Variants in EML6 observed in about 807,000 individuals in gnomAD.
EML6 encodes echinoderm microtubule-associated protein-like 6.
In EML6, 154 loss-of-function variants were observed where a neutral mutation model predicts 240.1. The ratio of observed to expected loss-of-function variants is 0.64; its 90% CI spans 0.56 to 0.73. The LOEUF is 0.73. EML6 is among the 30% of genes least tolerant of loss of function. The probability of loss-of-function intolerance (pLI) is 0.00; values close to 1 mark genes in which losing one functional copy is unlikely to be tolerated. For missense variants in EML6, 2,964 were observed against 2,474.6 expected (o/e 1.20, Z -4.20); for synonymous variants, 1,148 against 899.0 (o/e 1.28, Z -4.95).
At chr2:54,812,294 T>A (rs1168805478) in intron 2 of EML6, among the ~76,000 whole-genome samples, 3 of 150,176 alleles carry the variant, frequency 2.0e-5, no homozygotes, top group African/African-American at 7.4e-5. Flanking sequence ...TCAGAACATA[T>A]ACTCTCATTA....
At chr2:54,836,861 C>T (rs935882916) in intron 7 of EML6, among the ~76,000 whole-genome samples, 3 of 152,128 alleles carry the variant, frequency 2.0e-5, no homozygotes, top group Non-Finnish European at 4.4e-5. Flanking sequence ...TGTCTTTCCT[C>T]CTTCATTTCT....
At chr2:54,940,370 T>A (rs1487189559) in intron 28 of EML6, among the ~76,000 whole-genome samples, 3 of 152,200 alleles carry the variant, frequency 2.0e-5, no homozygotes, top group Non-Finnish European at 4.4e-5. Flanking sequence ...TTTTTTTGTT[T>A]GTTTTGGTCA....
chr2:54,797,164 C>CAAAAAAAAAAAAAAAAAAAAAAAAAAAA (rs773498648), intron 2 of EML6, among the ~76,000 whole-genome samples: 13 of 43,830 alleles, frequency 3.0e-4, no homozygotes, highest in Admixed American at 5.8e-4. Flanking sequence ...GACTCCATCT[C>CAAAAAAAAAAAAAAAAAAAAAAAAAAAA]AAAAAAAAAA....
chr2:54,882,424 T>C (rs1467461219), intron 17 of EML6: 1 of 152,144 alleles, frequency 6.6e-6, no homozygotes, highest in African/African-American at 2.4e-5. Flanking sequence ...ATTAATCAGG[T>C]ACATCTGTGC....
intron 7 of EML6, among the ~76,000 whole-genome samples, chr2:54,832,093 A>G (rs1668900696): frequency 6.6e-6 from 1 of 152,214 alleles, no homozygotes; most frequent in Non-Finnish European, 1.5e-5. Flanking sequence ...ACTGTGTATC[A>G]TCAAGCATCA....
chr2:54,731,630 A>G (rs886526607), intron 2 of EML6, among the ~76,000 whole-genome samples: 6 of 151,946 alleles, frequency 3.9e-5, no homozygotes, highest in African/African-American at 1.2e-4. Flanking sequence ...AAATATATAT[A>G]TATATGACTG....
intron 17 of EML6, among the ~76,000 whole-genome samples, chr2:54,887,533 T>G (rs1232092316): frequency 3.9e-5 from 6 of 152,234 alleles, no homozygotes; most frequent in Non-Finnish European, 8.8e-5. Flanking sequence ...GTGGTTAAAT[T>G]TATTAATCTT....
At chr2:54,840,637 A>G (rs1385270749) in intron 7 of EML6, among the ~76,000 whole-genome samples, 1 of 152,226 alleles carries the variant, frequency 6.6e-6, no homozygotes, top group Non-Finnish European at 1.5e-5. Flanking sequence ...CAAGGGTGGT[A>G]TCTTTTATTT....
At position 54,724,631 on chromosome 2, in the gene EML6, C is replaced by T. The variant is rs920709254; in HGVS notation, c.-431C>T. 2 of 152,418 alleles carry T rather than the reference C, an allele frequency of 1.3e-5. No homozygotes were observed. The highest frequency in any genetic ancestry group is 2.4e-5 in the African/African-American group (1 of 41,464). The allele number at this position is 152,418 out of a possible 1,614,324, so 9.4% of individuals were successfully genotyped here. On this transcript the variant is annotated 5_prime_UTR_variant, in exon 2 of 42. Coordinates refer to ENST00000356458, the MANE Select transcript of EML6 (RefSeq NM_001039753.4). This position sits in a 1 kb window ranked among gnomAD's most constrained non-coding sequence, Gnocchi z 5.2. Reference sequence around the variant, plus strand: ...AATCAAGGCTATCGCAGAATAAATCCCGCCGCCTGCCGCGAAGCCCCGGCG... The same window carrying T: ...AATCAAGGCTATCGCAGAATAAATCTCGCCGCCTGCCGCGAAGCCCCGGCG...
At chr2:54,850,369 T>C in intron 10 of EML6, 151 bp downstream of exon 10, 1 of 645,424 alleles carries the variant, frequency 1.5e-6, no homozygotes, top group Non-Finnish European at 2.6e-6. Context: ...GGGCAAGGAA[T>C]GTTTTCTGTC....
intron 12 of EML6, among the ~76,000 whole-genome samples, chr2:54,860,421 G>T (rs1670614173): frequency 6.6e-6 from 1 of 152,136 alleles, no homozygotes; most frequent in Non-Finnish European, 1.5e-5. Context: ...CCTAGAAGGG[G>T]TTTATGACAC....
At chr2:54,903,217 T>C (rs1397278575) in intron 23 of EML6, 21 bp downstream of exon 23, 1 of 1,547,932 alleles carries the variant, frequency 6.5e-7, no homozygotes, top group African/African-American at 1.4e-5. Context: ...CAGCAGATAC[T>C]TTTTAAAATA....
chr2:54,968,291 C>G lies in EML6; in HGVS notation c.5751+10C>G. 6.4e-7 allele frequency: 1 copy of G among 1,551,556 alleles called. No homozygotes were observed. Among genetic ancestry groups the G allele is most frequent in the Admixed American group, 2.0e-5 (1 of 50,990 alleles). On this transcript the variant is annotated intron_variant, in intron 40 of 41. Coordinates refer to ENST00000356458, the MANE Select transcript of EML6 (RefSeq NM_001039753.4). ...ATGCACAGAAAAATTTGTGAGTGTTCCTCAGAGTAACCTCCCTGCAGGTTC... is the reference window on the plus strand; with the variant it reads ...ATGCACAGAAAAATTTGTGAGTGTTGCTCAGAGTAACCTCCCTGCAGGTTC...
chr2:54,869,116 C>G, intron 14 of EML6, 65 bp from the exon 15 acceptor site: 1 of 1,101,274 alleles, frequency 9.1e-7, no homozygotes, highest in Non-Finnish European at 1.3e-6. Flanking sequence ...TTGCCTCTGA[C>G]ACCTCCTGCT....
rs139341364 is a variant in EML6 at position 54,940,345 on chromosome 2, T to C, written c.4005-8537T>C. Among the ~76,000 whole-genome samples, 381 of 152,316 alleles carry C rather than the reference T, an allele frequency of 2.5e-3. 2 individuals carry two copies. Among genetic ancestry groups the C allele is most frequent in the African/African-American group, 8.9e-3 (369 of 41,580 alleles). ...ATACTGTGGGCTTAAAAAAATTTTA[T>C]GGGGTTTCAGAGATTTTTTTTGTTT... On this transcript the variant is annotated intron_variant, in intron 28 of 41. Coordinates refer to ENST00000356458, the MANE Select transcript of EML6 (RefSeq NM_001039753.4).
intron 3 of EML6, among the ~76,000 whole-genome samples, chr2:54,814,920 T>C (rs983294714): frequency 6.6e-6 from 1 of 152,220 alleles, no homozygotes; most frequent in Admixed American, 6.5e-5. Flanking sequence ...AAAGAGATAA[T>C]AGCTGGATGC....
intron 2 of EML6, among the ~76,000 whole-genome samples, chr2:54,730,944 A>G (rs999469963): frequency 6.6e-6 from 1 of 152,204 alleles, no homozygotes; most frequent in Admixed American, 6.5e-5. Flanking sequence ...GGACAAGAAA[A>G]TAAGATGACT....
At chr2:54,865,482 G>C (rs1218854053) in intron 13 of EML6, among the ~76,000 whole-genome samples, 1 of 152,068 alleles carries the variant, frequency 6.6e-6, no homozygotes, top group Non-Finnish European at 1.5e-5. Flanking sequence ...ATAAATAAAA[G>C]AATGAAAAGG....
chr2:54,970,482 A>G lies in EML6; in HGVS notation c.*387A>G, dbSNP rs2289749. On this transcript the variant is annotated 3_prime_UTR_variant, in exon 42 of 42. Coordinates refer to ENST00000356458, the MANE Select transcript of EML6 (RefSeq NM_001039753.4). ...AAAACTTTTACAAAGATGTTTTGCT[A>G]TTGTTTCTATATACTTCAAGAATGT... 3.8e-4 allele frequency: 83 copies of G among 220,492 alleles called. No homozygotes were observed. The East Asian group carries it at 6.2e-3, about 16-fold the overall frequency. 13.7% of individuals were successfully genotyped at this position (220,492 alleles called of 1,614,324 possible).
Sources: allele counts gnomAD v4.1 joint callset (sites outside exome capture counted in the v4.1 genomes callset), GRCh38; gene constraint gnomAD v4.1.1; non-coding constraint Gnocchi (gnomAD v3.1); transcripts MANE v1.5; gene names NCBI Gene and HGNC (gene_info 2026-07-23, HGNC 2026-07-21).